Variants in SNTG1 observed in about 807,000 individuals in gnomAD.
SNTG1 encodes gamma-1-syntrophin.
A neutral mutation model predicts 74.7 loss-of-function variants in SNTG1; 39 were observed. That is an observed-to-expected ratio of 0.52 (90% confidence interval 0.40 to 0.68). The LOEUF (loss-of-function observed/expected upper bound fraction) is 0.68, where lower values mean the gene tolerates loss of function less well. Among genes scored for constraint, SNTG1 ranks in the 30% least tolerant of loss-of-function variants. The pLI is 0.00. For missense variants in SNTG1, 685 were observed against 609.5 expected, an observed-to-expected ratio of 1.12 and a Z score of -1.30; for synonymous variants, 254 against 217.1, an observed-to-expected ratio of 1.17 and a Z score of -1.49.
rs1352469361 is a variant in SNTG1 at position 50,120,547 on chromosome 8, AACT to A, written c.-102-52002_-102-52000del. On this transcript the variant is annotated intron_variant, in intron 1 of 18. Transcript: ENST00000642720. ...CCATCACCAATACTGCTACCATGAT[AACT>A]ACTACTACTACCACTACTAGTACCA... Among the ~76,000 whole-genome samples, 5 of 112,344 alleles carry A rather than the reference AACT, an allele frequency of 4.5e-5. 1 individual carries two copies. The highest frequency in any genetic ancestry group is 2.7e-4 in the East Asian group (1 of 3,732). The allele number at this position is 112,344 out of a possible 152,430, so 73.7% of individuals were successfully genotyped here.
chr8:49,918,841 C>CT (rs1292390906), intron 1 of SNTG1, among the ~76,000 whole-genome samples: 1 of 151,944 alleles, frequency 6.6e-6, no homozygotes, highest in African/African-American at 2.4e-5. Flanking sequence ...ATTTTAATTT[C>CT]TTTTTTTGCT....
chr8:50,700,463 A>C (rs1258418285), intron 15 of SNTG1, among the ~76,000 whole-genome samples: 2 of 152,108 alleles, frequency 1.3e-5, no homozygotes, highest in Non-Finnish European at 1.5e-5. Context: ...CTTTTTCCAA[A>C]GTTTCTCCTC....
chr8:50,091,027 A>AAT (rs1218212202), intron 1 of SNTG1, among the ~76,000 whole-genome samples: 1 of 152,132 alleles, frequency 6.6e-6, no homozygotes, highest in Non-Finnish European at 1.5e-5. Context: ...ATGGACCAAA[A>AAT]ATATGTTTTC....
intron 2 of SNTG1, among the ~76,000 whole-genome samples, chr8:50,371,895 AT>A (rs762765449): frequency 6.6e-6 from 1 of 151,746 alleles, no homozygotes. Context: ...ATCTTTTCCT[AT>A]TTTTTTACTG....
intron 1 of SNTG1, among the ~76,000 whole-genome samples, chr8:49,950,267 A>G (rs1809586818): frequency 6.6e-6 from 1 of 152,258 alleles, no homozygotes; most frequent in Admixed American, 6.5e-5. Flanking sequence ...TTCTATTAAA[A>G]TGAATGTTAA....
At chr8:50,111,849 A>G (rs2080605617) in intron 1 of SNTG1, among the ~76,000 whole-genome samples, 1 of 152,186 alleles carries the variant, frequency 6.6e-6, no homozygotes, top group South Asian at 2.1e-4. Context: ...AAAGTATCAG[A>G]AGAAAAAAGG....
chr8:50,449,464 T>C (rs961424664), intron 5 of SNTG1, among the ~76,000 whole-genome samples: 1 of 152,250 alleles, frequency 6.6e-6, no homozygotes, highest in Non-Finnish European at 1.5e-5. Context: ...AAGCCAATTG[T>C]TATTATTGGA....
chr8:50,556,998 C>G (rs777942890), intron 12 of SNTG1, among the ~76,000 whole-genome samples: 2 of 152,166 alleles, frequency 1.3e-5, no homozygotes, highest in East Asian at 3.9e-4. Context: ...CATGCCAGCT[C>G]TCCCCTACCC....
At chr8:50,137,620 T>G (rs2081516586) in intron 1 of SNTG1, among the ~76,000 whole-genome samples, 1 of 152,140 alleles carries the variant, frequency 6.6e-6, no homozygotes, top group African/African-American at 2.4e-5. Flanking sequence ...AGAATGACAG[T>G]GTGCTATTTC....
chr8:50,443,861 C>T (rs1412947212), intron 5 of SNTG1, among the ~76,000 whole-genome samples: 9 of 152,096 alleles, frequency 5.9e-5, no homozygotes, highest in South Asian at 2.1e-4. Context: ...AGACCAGGCA[C>T]GGTGGCTCAT....
At chr8:50,668,017 G>A (rs989136498) in intron 15 of SNTG1, among the ~76,000 whole-genome samples, 1 of 151,948 alleles carries the variant, frequency 6.6e-6, no homozygotes, top group Non-Finnish European at 1.5e-5. Context: ...GAGAACTAAG[G>A]TTCAGCCATT....
At chr8:50,426,050 A>G (rs1429639520) in intron 4 of SNTG1, among the ~76,000 whole-genome samples, 1 of 152,218 alleles carries the variant, frequency 6.6e-6, no homozygotes, top group Non-Finnish European at 1.5e-5. Context: ...TAATATAGAG[A>G]TATACCACAC....
chr8:50,281,229 T>C (rs537400686), intron 2 of SNTG1, among the ~76,000 whole-genome samples: 1 of 152,010 alleles, frequency 6.6e-6, no homozygotes, highest in African/African-American at 2.4e-5. Flanking sequence ...AGTCTTAAGA[T>C]CTCTGTTTTA....
At chr8:50,580,201 T>C (rs901781434) in intron 12 of SNTG1, among the ~76,000 whole-genome samples, 1 of 152,240 alleles carries the variant, frequency 6.6e-6, no homozygotes, top group African/African-American at 2.4e-5. Context: ...ATGGGGCCTT[T>C]AGCCCCTTTG....
At chr8:50,695,139 T>G (rs560357034) in intron 15 of SNTG1, among the ~76,000 whole-genome samples, 1 of 151,648 alleles carries the variant, frequency 6.6e-6, no homozygotes, top group Non-Finnish European at 1.5e-5. Context: ...AAGAAAATGC[T>G]AAATTGTCCC....
intron 18 of SNTG1, among the ~76,000 whole-genome samples, chr8:50,764,544 C>G (rs2095608696): frequency 6.6e-6 from 1 of 151,864 alleles, no homozygotes; most frequent in Non-Finnish European, 1.5e-5. Flanking sequence ...CTTAACATCA[C>G]TAATCATTAG....
intron 8 of SNTG1, among the ~76,000 whole-genome samples, chr8:50,453,396 G>A (rs1220058495): frequency 6.6e-6 from 1 of 151,974 alleles, no homozygotes; most frequent in Non-Finnish European, 1.5e-5. Context: ...ATCACCCACT[G>A]TATTCTTGCT....
At chr8:49,990,311 A>G (rs1021875213) in intron 1 of SNTG1, among the ~76,000 whole-genome samples, 1 of 152,070 alleles carries the variant, frequency 6.6e-6, no homozygotes, top group African/African-American at 2.4e-5. Flanking sequence ...GGAATGTAAG[A>G]CTGAAACTGT....
intron 2 of SNTG1, among the ~76,000 whole-genome samples, chr8:50,289,986 G>A (rs1293410746): frequency 1.3e-5 from 2 of 152,136 alleles, no homozygotes; most frequent in Non-Finnish European, 2.9e-5. Context: ...TGAGGAATGG[G>A]TTCCTACTGA....
Sources: gnomAD v4.1 joint callset for allele counts (sites outside exome capture counted in the v4.1 genomes callset) on GRCh38, gnomAD v4.1.1 for gene constraint, MANE v1.5 for transcripts, NCBI Gene and HGNC (gene_info 2026-07-23, HGNC 2026-07-21) for gene names.